Variants in DPP10 observed in about 807,000 individuals in gnomAD.
DPP10 encodes the protein dipeptidyl peptidase like 10.
In DPP10, 33 loss-of-function variants were observed where a neutral mutation model predicts 120.9. That is an observed-to-expected ratio of 0.27 (90% confidence interval 0.21 to 0.37). DPP10 has a LOEUF of 0.37. DPP10 is among the 10% of genes least tolerant of loss of function. DPP10 has a pLI of 1.00. For synonymous variants in DPP10, 337 were observed against 326.1 expected, an observed-to-expected ratio of 1.03 and a Z score of -0.36; for missense variants, 816 against 942.8, an observed-to-expected ratio of 0.87 and a Z score of 1.76.
At chr2:115,805,614 G>A (rs79146315) in intron 19 of DPP10, among the ~76,000 whole-genome samples, 9 of 147,200 alleles carry the variant, frequency 6.1e-5, no homozygotes, top group Admixed American at 1.4e-4. Flanking sequence ...CACTCCTGTC[G>A]CCCAGGCTGG....
At chr2:115,380,504 C>T (rs1483931800) in intron 3 of DPP10, among the ~76,000 whole-genome samples, 4 of 152,160 alleles carry the variant, frequency 2.6e-5, no homozygotes, top group African/African-American at 9.7e-5. Context: ...GACTCTTTAT[C>T]CAGTTTGCCA....
intron 1 of DPP10, among the ~76,000 whole-genome samples, chr2:114,447,442 T>A (rs960235196): frequency 6.6e-6 from 1 of 152,152 alleles, no homozygotes; most frequent in Admixed American, 6.5e-5. Flanking sequence ...AATTTAGAAA[T>A]GCAAGGAATG....
intron 5 of DPP10, among the ~76,000 whole-genome samples, chr2:115,571,433 C>A (rs914185227): frequency 5.3e-5 from 8 of 152,096 alleles, no homozygotes; most frequent in African/African-American, 1.4e-4. Flanking sequence ...TTTTTAAAAT[C>A]CCTGAGAATC....
intron 1 of DPP10, among the ~76,000 whole-genome samples, chr2:114,723,639 G>A (rs1470742147): frequency 1.3e-5 from 2 of 152,160 alleles, no homozygotes; most frequent in East Asian, 3.9e-4. Context: ...ACAATGATCA[G>A]GTCCTTATTG....
intron 5 of DPP10, among the ~76,000 whole-genome samples, chr2:115,628,574 C>A (rs955361057): frequency 6.6e-6 from 1 of 152,018 alleles, no homozygotes; most frequent in African/African-American, 2.4e-5. Flanking sequence ...TGGCTGCTTT[C>A]ATCATGAAAT....
chr2:114,887,286 A>G (rs1417803575), intron 1 of DPP10, among the ~76,000 whole-genome samples: 1 of 152,250 alleles, frequency 6.6e-6, no homozygotes, highest in African/African-American at 2.4e-5. Context: ...TTAGTGATTT[A>G]GAGGAGACTA....
chr2:115,361,197 C>T (rs2064743327), intron 3 of DPP10, among the ~76,000 whole-genome samples: 1 of 152,030 alleles, frequency 6.6e-6, no homozygotes, highest in Non-Finnish European at 1.5e-5. Context: ...CCTCAGTCTT[C>T]TCTGTGGTCT....
At chr2:115,296,717 T>A (rs1242542856) in intron 1 of DPP10, among the ~76,000 whole-genome samples, 2 of 152,120 alleles carry the variant, frequency 1.3e-5, no homozygotes. Context: ...TTTTCTCTTT[T>A]GTTCTTCTGA....
chr2:114,549,456 T>C (rs1355365215), intron 1 of DPP10, among the ~76,000 whole-genome samples: 1 of 149,514 alleles, frequency 6.7e-6, no homozygotes, highest in Non-Finnish European at 1.5e-5. Context: ...TGGTCAGGAG[T>C]TCAAGACCAG....
At chr2:115,253,575 A>G (rs1255144006) in intron 1 of DPP10, among the ~76,000 whole-genome samples, 1 of 152,196 alleles carries the variant, frequency 6.6e-6, no homozygotes, top group Non-Finnish European at 1.5e-5. Flanking sequence ...TCTGCTCCAA[A>G]AAAGAGAAAC....
At chr2:115,815,120 C>T in intron 20 of DPP10, 133 bp downstream of exon 20, 1 of 889,878 alleles carries the variant, frequency 1.1e-6, no homozygotes, top group Non-Finnish European at 1.6e-6. Context: ...AATCATAAAG[C>T]CTATTTCATT....
intron 10 of DPP10, 104 bp from the exon 11 acceptor site, chr2:115,753,070 T>C: frequency 9.6e-7 from 1 of 1,047,084 alleles, no homozygotes; most frequent in Non-Finnish European, 1.3e-6. Flanking sequence ...AACATCCTTA[T>C]AGTGGTTCAG....
intron 1 of DPP10, among the ~76,000 whole-genome samples, chr2:114,515,860 T>A (rs1684556158): frequency 6.6e-6 from 1 of 152,154 alleles, no homozygotes; most frequent in Non-Finnish European, 1.5e-5. Context: ...CCAAGATGTT[T>A]CACTTCATTA....
intron 1 of DPP10, among the ~76,000 whole-genome samples, chr2:114,900,453 T>G (rs1366922094): frequency 6.6e-6 from 1 of 152,240 alleles, no homozygotes; most frequent in Non-Finnish European, 1.5e-5. Flanking sequence ...GTCATTTGAT[T>G]GATTGCTAAG....
intron 1 of DPP10, among the ~76,000 whole-genome samples, chr2:115,000,371 A>T (rs903073892): frequency 2.0e-5 from 3 of 152,110 alleles, no homozygotes; most frequent in African/African-American, 7.2e-5. Flanking sequence ...CTTACCACTG[A>T]TATTTTTTCT....
At position 115,225,531 on chromosome 2, in the gene DPP10, A is replaced by G. The variant is rs916820884; in HGVS notation, c.61-83708A>G. ...TGTGTGCGTGTGTGTGTGTGTGTGT[A>G]TGCATGTATATCTGGAACTCAGGGA... On this transcript the variant is annotated intron_variant, in intron 1 of 25. Transcript: ENST00000410059. 2.6e-5 allele frequency among the ~76,000 whole-genome samples: 4 copies of G among 151,166 alleles called. No homozygotes were observed. In the South Asian group the frequency reaches 6.3e-4, roughly 24 times the overall value.
chr2:115,148,166 C>T (rs1370028683), intron 1 of DPP10, among the ~76,000 whole-genome samples: 2 of 152,174 alleles, frequency 1.3e-5, no homozygotes, highest in African/African-American at 4.8e-5. Flanking sequence ...TAATTGTTCT[C>T]TATATAACAT....
chr2:114,704,864 G>C (rs987818272), intron 1 of DPP10, among the ~76,000 whole-genome samples: 2 of 152,120 alleles, frequency 1.3e-5, no homozygotes, highest in Admixed American at 1.3e-4. Flanking sequence ...GGCTATAGTG[G>C]TGGAATCCTA....
rs183505876 is a variant in DPP10, at chr2:114,876,661, C to T, written c.61-432578C>T. On this transcript the variant is annotated intron_variant, in intron 1 of 25. Transcript: ENST00000410059. ...CCTAAACCAGCTGTCTCCAATTTCT[C>T]ATCTTTGCTCAATGTCCTCATGTAA... Among the ~76,000 whole-genome samples, 6 of 152,228 alleles carry T rather than the reference C, an allele frequency of 3.9e-5. No individual in the cohort carries two copies. In the East Asian group the frequency reaches 9.7e-4, roughly 25 times the overall value.
Sources: gnomAD v4.1 joint callset for allele counts (sites outside exome capture counted in the v4.1 genomes callset) on GRCh38, gnomAD v4.1.1 for gene constraint, MANE v1.5 for transcripts, NCBI Gene and HGNC (gene_info 2026-07-23, HGNC 2026-07-21) for gene names.